The following EVA1A variants were observed in gnomAD, a reference collection of about 807,000 sequenced individuals.
EVA1A encodes protein eva-1 homolog A.
Under a neutral mutation model 9.8 loss-of-function variants are expected in EVA1A, and 7 were observed. The observed-to-expected ratio is 0.71, with a 90% confidence interval of 0.41 to 1.34. EVA1A has a LOEUF of 1.34. EVA1A is among the 40% of genes most tolerant of loss of function. The probability of loss-of-function intolerance (pLI) is 0.01; values close to 1 mark genes in which losing one functional copy is unlikely to be tolerated. For missense variants in EVA1A, 206 were observed against 205.9 expected (o/e 1.00, Z 0.00); for synonymous variants, 90 against 85.6 (o/e 1.05, Z -0.28).
At chr2:75,546,016 G>A (rs540756734) in intron 1 of EVA1A, among the ~76,000 whole-genome samples, 2 of 152,260 alleles carry the variant, frequency 1.3e-5, no homozygotes, top group South Asian at 4.1e-4. Flanking sequence ...TTGTATAGCT[G>A]GGGAAGAGCA....
chr2:75,568,828 C>T (rs1677074444), intron 1 of EVA1A, among the ~76,000 whole-genome samples: 1 of 152,166 alleles, frequency 6.6e-6, no homozygotes, highest in Non-Finnish European at 1.5e-5. Flanking sequence ...CCATGATGTA[C>T]ATACACCACA....
At chr2:75,535,312 A>G (rs1029616633) in intron 1 of EVA1A, among the ~76,000 whole-genome samples, 4 of 150,818 alleles carry the variant, frequency 2.7e-5, no homozygotes, top group African/African-American at 7.3e-5. Context: ...AAAAAAAAAA[A>G]GGGAACTCTT....
At chr2:75,565,045 G>A (rs1261171890), upstream of EVA1A, among the ~76,000 whole-genome samples, 2 of 152,174 alleles carry the variant, frequency 1.3e-5, no homozygotes, top group Non-Finnish European at 2.9e-5. Context: ...GTGAGAATAT[G>A]TCCCGATATG....
At chr2:75,557,243 G>C (rs1310161568) in intron 1 of EVA1A, among the ~76,000 whole-genome samples, 1 of 152,178 alleles carries the variant, frequency 6.6e-6, no homozygotes, top group Admixed American at 6.5e-5. Context: ...ACTAGCAAGT[G>C]GGCTCGGTTT....
chr2:75,498,205 T>A (rs1396001288), intron 3 of EVA1A, among the ~76,000 whole-genome samples: 1 of 150,694 alleles, frequency 6.6e-6, no homozygotes, highest in African/African-American at 2.5e-5. Flanking sequence ...TGAAGGCCAT[T>A]ATCTTAAGCA....
intron 1 of EVA1A, among the ~76,000 whole-genome samples, chr2:75,556,163 G>T (rs1676705691): frequency 1.3e-5 from 2 of 152,166 alleles, no homozygotes; most frequent in South Asian, 2.1e-4. Context: ...ATACCTCAAG[G>T]TTCTGCCACC....
intron 1 of EVA1A, among the ~76,000 whole-genome samples, chr2:75,550,746 A>G (rs148733154): frequency 6.9e-4 from 105 of 152,338 alleles, no homozygotes; most frequent in Non-Finnish European, 1.2e-3. Context: ...ATGAAGAGAA[A>G]TATTAGAAAT....
chr2:75,551,427 A>C (rs1676520048), intron 1 of EVA1A, among the ~76,000 whole-genome samples: 1 of 152,192 alleles, frequency 6.6e-6, no homozygotes, highest in Non-Finnish European at 1.5e-5. Flanking sequence ...ATATCATTTG[A>C]AGCTGTTGAT....
At chr2:75,521,142 C>G (rs1416898575) in intron 2 of EVA1A, among the ~76,000 whole-genome samples, 2 of 152,112 alleles carry the variant, frequency 1.3e-5, no homozygotes, top group African/African-American at 2.4e-5. Flanking sequence ...AAATCAAAAT[C>G]AAAACCACAA....
chr2:75,565,995 CTCTA>C (rs1344898297), intron 1 of EVA1A, among the ~76,000 whole-genome samples: 3 of 152,196 alleles, frequency 2.0e-5, no homozygotes, highest in East Asian at 3.9e-4. Flanking sequence ...CTCTTTCTCT[CTCTA>C]TCTCTCTCTT....
At chr2:75,524,233 G>A (rs1675337102) in intron 1 of EVA1A, 1 of 101,602 alleles carries the variant, frequency 9.8e-6, no homozygotes, top group Admixed American at 8.7e-5. Context: ...TGCTTTATTA[G>A]CTGAGTATAT....
At chr2:75,561,297 C>G (rs944706655), upstream of EVA1A, 3 of 152,196 alleles carry the variant, frequency 2.0e-5, no homozygotes, top group South Asian at 2.1e-4. Flanking sequence ...ATTCCTGTCC[C>G]GTCGCCTGCT....
In EVA1A at chr2:75,552,447, C is replaced by CT. The variant is rs142877558; in HGVS notation, c.-192+8232dup. The stretch of plus-strand genomic sequence containing the variant: ...TCAGAATCATCCTAGACTCCTGCCC[C>CT]TCCCTTACTCCCCTGTTCAATCAGT... On this transcript the variant is annotated intron_variant, in intron 1 of 3. Transcript: ENST00000393913. Among the ~76,000 whole-genome samples the CT allele has an allele frequency of 5.4e-3, 826 of 152,268 alleles. 10 individuals are homozygous for CT. The highest frequency in any genetic ancestry group is 0.019 in the African/African-American group (787 of 41,552).
At chr2:75,557,766 A>AC (rs796736728) in intron 1 of EVA1A, among the ~76,000 whole-genome samples, 41 of 152,310 alleles carry the variant, frequency 2.7e-4, no homozygotes, top group African/African-American at 9.9e-4. Context: ...CTAGGAACTA[A>AC]CCCCAATGTC....
At chr2:75,534,444 A>T (rs985560098) in intron 1 of EVA1A, among the ~76,000 whole-genome samples, 14 of 152,028 alleles carry the variant, frequency 9.2e-5, no homozygotes, top group African/African-American at 3.1e-4. Flanking sequence ...ATGAAGAAAT[A>T]CACTTAAAAA....
chr2:75,547,209 G>C (rs1426959181), intron 1 of EVA1A, among the ~76,000 whole-genome samples: 1 of 152,184 alleles, frequency 6.6e-6, no homozygotes, highest in Non-Finnish European at 1.5e-5. Context: ...TGCTGGATGG[G>C]TCTTAGAAGG....
At chr2:75,534,182 T>G (rs943039442) in intron 1 of EVA1A, among the ~76,000 whole-genome samples, 2 of 152,040 alleles carry the variant, frequency 1.3e-5, no homozygotes, top group East Asian at 3.9e-4. Flanking sequence ...AAGCCTGCAG[T>G]GAGCTATGAT....
At chr2:75,542,338 C>T (rs1676156969) in intron 1 of EVA1A, 1 of 152,158 alleles carries the variant, frequency 6.6e-6, no homozygotes, top group Admixed American at 6.5e-5. Flanking sequence ...CAATGCCACT[C>T]ATCTGTTCCA....
chr2:75,525,904 A>G (rs1370103327), intron 1 of EVA1A, among the ~76,000 whole-genome samples: 4 of 152,246 alleles, frequency 2.6e-5, no homozygotes, highest in African/African-American at 4.8e-5. Flanking sequence ...GGTCAGTACC[A>G]AGGGTGGTTC....
Sources: gnomAD v4.1 joint callset for allele counts (sites outside exome capture counted in the v4.1 genomes callset) on GRCh38, gnomAD v4.1.1 for gene constraint, MANE v1.5 for transcripts, NCBI Gene and HGNC (gene_info 2026-07-23, HGNC 2026-07-21) for gene names.